Variants in AGO3 observed in about 807,000 individuals in gnomAD.
AGO3 encodes the protein protein argonaute-3.
AGO3 carries 16 observed loss-of-function variants against 105.5 expected under a neutral mutation model. That is an observed-to-expected ratio of 0.15 (90% CI 0.10 to 0.23). The LOEUF (loss-of-function observed/expected upper bound fraction) is 0.23, where lower values mean the gene tolerates loss of function less well. AGO3 is among the 10% of genes least tolerant of loss of function. AGO3 has a pLI of 1.00. For missense variants in AGO3, 534 were observed against 1,088.0 expected, an observed-to-expected ratio of 0.49 and a Z score of 7.16; for synonymous variants, 340 against 367.3, an observed-to-expected ratio of 0.93 and a Z score of 0.85.
intron 9 of AGO3, 144 bp downstream of exon 9, chr1:36,009,738 T>C (rs1640502628): frequency 2.2e-6 from 2 of 894,824 alleles, no homozygotes; most frequent in African/African-American, 1.7e-5. Flanking sequence ...TAATCTAATG[T>C]TCTTGATACA....
In AGO3 at chr1:36,060,560, T is replaced by G. The variant is rs1241723711; in HGVS notation, c.*4815T>G. On this transcript the variant is annotated 3_prime_UTR_variant, in exon 19 of 19. Transcript: ENST00000373191. ...CGACTTCGATACAGCTAGAATATGT[T>G]GCAGTCTTCCTATTTCAAACTTGAT... is the stretch of plus-strand genomic sequence containing the variant. 2 of 152,254 alleles carry G rather than the reference T, an allele frequency of 1.3e-5. No homozygotes were observed. The highest frequency in any genetic ancestry group is 2.9e-5 in the Non-Finnish European group (2 of 68,044). 9.4% of individuals were successfully genotyped at this position (152,254 alleles called of 1,614,324 possible).
rs1303356907 is a variant in AGO3, at chr1:36,063,993, A to T, written c.*8248A>T. ...ACTCCTAAGCTCAAGTGCTTCTCCC[A>T]CATCAGCCTCCCAAAGTGCTGGGAT... is the stretch of plus-strand genomic sequence containing the variant. On this transcript the variant is annotated 3_prime_UTR_variant, in exon 19 of 19. Coordinates refer to ENST00000373191, the MANE Select transcript of AGO3 (RefSeq NM_024852.4). The T allele has an allele frequency of 1.3e-5, 2 of 152,174 alleles. No homozygotes were observed. Among genetic ancestry groups the T allele is most frequent in the African/African-American group, 4.8e-5 (2 of 41,406 alleles). The allele number at this position is 152,174 out of a possible 1,614,324, so 9.4% of individuals were successfully genotyped here. A position where few individuals can be genotyped will look rare whatever the true frequency, so the allele number is the denominator to read the frequency against.
chr1:36,004,924 G>A (rs750547848), intron 6 of AGO3, among the ~76,000 whole-genome samples: 1 of 152,024 alleles, frequency 6.6e-6, no homozygotes, highest in Non-Finnish European at 1.5e-5. Context: ...GGGCTAGCCT[G>A]TTTCATGTGT....
chr1:35,993,344 T>TA (rs1255472043), intron 5 of AGO3, among the ~76,000 whole-genome samples: 5 of 151,772 alleles, frequency 3.3e-5, no homozygotes, highest in Admixed American at 6.6e-5. Flanking sequence ...GTTGGTTATT[T>TA]AAAAAAAATA....
intron 11 of AGO3, among the ~76,000 whole-genome samples, chr1:36,021,870 C>T (rs1641243417): frequency 6.6e-6 from 1 of 151,968 alleles, no homozygotes; most frequent in South Asian, 2.1e-4. Flanking sequence ...TCTATCTCTC[C>T]TTCTTTCCTC....
At chr1:35,974,646 A>T (rs1417308363) in intron 5 of AGO3, among the ~76,000 whole-genome samples, 2 of 152,130 alleles carry the variant, frequency 1.3e-5, no homozygotes, top group African/African-American at 4.8e-5. Context: ...AGATTCAGAG[A>T]TCTCTCCATT....
intron 2 of AGO3, among the ~76,000 whole-genome samples, 199 bp downstream of exon 2, chr1:35,946,062 A>G (rs1646358393): frequency 6.6e-6 from 1 of 152,188 alleles, no homozygotes; most frequent in African/African-American, 2.4e-5. Context: ...TTATAACACG[A>G]GCTCACATTT....
chr1:35,992,923 T>C, intron 5 of AGO3, among the ~76,000 whole-genome samples: 1 of 152,160 alleles, frequency 6.6e-6, no homozygotes, highest in Non-Finnish European at 1.5e-5. Flanking sequence ...TGGTAACAAC[T>C]TAGTTCTGGA....
In AGO3 at chr1:36,069,329, C is replaced by CCTGA. The variant is rs1164057483; in HGVS notation, c.*13585_*13588dup. ...ATGTTGCCAAGGCTGATCTCTAACT[C>CCTGA]CTGAGCTCAAGCAGTCCTCCTGCCT... On this transcript the variant is annotated 3_prime_UTR_variant, in exon 19 of 19. Coordinates refer to ENST00000373191, the MANE Select transcript of AGO3 (RefSeq NM_024852.4). 2 of 152,230 alleles carry CCTGA rather than the reference C, an allele frequency of 1.3e-5. No homozygotes were observed. The highest frequency in any genetic ancestry group is 2.9e-5 in the Non-Finnish European group (2 of 68,060). 9.4% of individuals were successfully genotyped at this position (152,230 alleles called of 1,614,324 possible).
chr1:36,038,950 G>A (rs1388547394), intron 14 of AGO3, among the ~76,000 whole-genome samples: 1 of 152,188 alleles, frequency 6.6e-6, no homozygotes, highest in Non-Finnish European at 1.5e-5. Context: ...GGTTGCTAAA[G>A]TGGAAGAGAT....
intron 2 of AGO3, among the ~76,000 whole-genome samples, chr1:35,950,479 T>C (rs907201276): frequency 6.6e-6 from 1 of 152,208 alleles, no homozygotes; most frequent in African/African-American, 2.4e-5. Flanking sequence ...GGTCAACCTT[T>C]CTACAAATTT....
At chr1:35,982,567 G>A in intron 5 of AGO3, 1 of 703,744 alleles carries the variant, frequency 1.4e-6, no homozygotes, top group Non-Finnish European at 2.6e-6. Context: ...TTTAGATAGG[G>A]ATACTTCAAA....
At chr1:36,042,430 T>C (rs916190352) in intron 16 of AGO3, among the ~76,000 whole-genome samples, 1 of 152,196 alleles carries the variant, frequency 6.6e-6, no homozygotes, top group African/African-American at 2.4e-5. Flanking sequence ...GTGTTGCTAA[T>C]TTATTAGAGT....
chr1:35,965,098 G>GT (rs1646748418), intron 2 of AGO3, among the ~76,000 whole-genome samples: 4 of 151,420 alleles, frequency 2.6e-5, no homozygotes, highest in Admixed American at 2.6e-4. Context: ...CCCAGAATTC[G>GT]TAAGGTTGAA....
intron 2 of AGO3, among the ~76,000 whole-genome samples, chr1:35,955,854 C>A (rs1646555564): frequency 6.6e-6 from 1 of 152,098 alleles, no homozygotes; most frequent in Admixed American, 6.6e-5. Context: ...CTCAACTTCC[C>A]AAAGTGTTGG....
intron 5 of AGO3, among the ~76,000 whole-genome samples, chr1:35,986,651 G>C (rs1311893096): frequency 6.6e-6 from 1 of 151,578 alleles, no homozygotes; most frequent in Non-Finnish European, 1.5e-5. Context: ...TCACACCTCT[G>C]TACTCCAGTC....
At chr1:36,025,838 G>A (rs532477412) in intron 11 of AGO3, among the ~76,000 whole-genome samples, 1 of 152,280 alleles carries the variant, frequency 6.6e-6, no homozygotes, top group South Asian at 2.1e-4. Flanking sequence ...AGGAGTTCAA[G>A]ACCAGCCTGA....
intron 9 of AGO3, 52 bp downstream of exon 9, chr1:36,009,646 T>C (rs1396259023): frequency 6.4e-7 from 1 of 1,552,842 alleles, no homozygotes. Flanking sequence ...GGGTGAACTG[T>C]AATACTAGAG....
intron 5 of AGO3, among the ~76,000 whole-genome samples, chr1:36,000,925 C>G (rs1264504738): frequency 6.6e-6 from 1 of 151,780 alleles, no homozygotes; most frequent in Non-Finnish European, 1.5e-5. Context: ...ATATTGATTT[C>G]TCTTATCTTT....
Sources: allele counts gnomAD v4.1 joint callset (sites outside exome capture counted in the v4.1 genomes callset), GRCh38; gene constraint gnomAD v4.1.1; transcripts MANE v1.5; gene names NCBI Gene and HGNC (gene_info 2026-07-23, HGNC 2026-07-21).